NEMP2: variants seen among roughly 807,000 people sequenced by gnomAD.
NEMP2 encodes the protein UPF0571 transmembrane protein.
In NEMP2, 53 loss-of-function variants were observed where a neutral mutation model predicts 54.2. The ratio of observed to expected loss-of-function variants is 0.98; its 90% CI spans 0.78 to 1.23. NEMP2 has a LOEUF of 1.23. Among genes scored for constraint, NEMP2 ranks in the 50% most tolerant of loss-of-function variants. NEMP2 has a pLI of 0.00. For missense variants in NEMP2, 455 were observed against 511.3 expected, an observed-to-expected ratio of 0.89 and a Z score of 1.06; for synonymous variants, 197 against 190.3, an observed-to-expected ratio of 1.04 and a Z score of -0.29.
rs1258819628 is a variant in NEMP2 at position 190,531,962 on chromosome 2, C to T, written c.97+2597G>A. Reference sequence around the variant, plus strand: ...CACCAATGTTCCTCCTGAAAACTGACATGGCCCTCATATGGGGAAAAAAAA... The same window carrying T: ...CACCAATGTTCCTCCTGAAAACTGATATGGCCCTCATATGGGGAAAAAAAA... On this transcript the variant is annotated intron_variant, in intron 1 of 8. Transcript: ENST00000409150. The surrounding 1 kb of genome is among the most constrained non-coding windows in gnomAD (Gnocchi z 4.7). Among the ~76,000 whole-genome samples, 2 of 147,762 alleles carry T rather than the reference C, an allele frequency of 1.4e-5. No individual in the cohort carries two copies. The highest frequency in any genetic ancestry group is 2.4e-5 in the African/African-American group (1 of 41,168).
chr2:190,573,208 C>T, the NEMP2 span, among the ~76,000 whole-genome samples: 1 of 152,022 alleles, frequency 6.6e-6, no homozygotes, highest in Non-Finnish European at 1.5e-5. Context: ...ACTTACTCTC[C>T]CTATGCCTCT....
chr2:190,519,638 G>A lies in NEMP2; in HGVS notation c.214-455C>T, dbSNP rs1690686706. 6.6e-6 allele frequency among the ~76,000 whole-genome samples: 1 copy of A among 152,150 alleles called. No homozygotes were observed. Among genetic ancestry groups the A allele is most frequent in the African/African-American group, 2.4e-5 (1 of 41,420 alleles). On this transcript the variant is annotated intron_variant, in intron 2 of 8. Transcript: ENST00000409150. The surrounding 1 kb of genome is among the most constrained non-coding windows in gnomAD (Gnocchi z 5.4). ...AGTTCTATGTTCTGATCCCAGAGGT[G>A]GACTCAAGAGATCTGTATTTAGTCC...
At chr2:190,437,085 A>C in the NEMP2 span, 3 of 1,614,234 alleles carry the variant, frequency 1.9e-6, no homozygotes, top group Non-Finnish European at 2.5e-6. The surrounding 1 kb of genome is among the most constrained non-coding windows in gnomAD (Gnocchi z 5.9). Context: ...CCCACATCGA[A>C]GTGCTCATCG....
chr2:190,543,312 C>T, the NEMP2 span, among the ~76,000 whole-genome samples: 1 of 152,214 alleles, frequency 6.6e-6, no homozygotes, highest in Non-Finnish European at 1.5e-5. This position sits in a 1 kb window ranked among gnomAD's most constrained non-coding sequence, Gnocchi z 4.7. Flanking sequence ...CTCTTTTGGC[C>T]AAGTCACTGA....
At chr2:190,561,020 G>A in the NEMP2 span, among the ~76,000 whole-genome samples, 1 of 152,144 alleles carries the variant, frequency 6.6e-6, no homozygotes, top group South Asian at 2.1e-4. This position sits in a 1 kb window ranked among gnomAD's most constrained non-coding sequence, Gnocchi z 5.4. Flanking sequence ...TATTTCACGT[G>A]GAGCAGAGGT....
the NEMP2 span, among the ~76,000 whole-genome samples, chr2:190,441,369 C>T: frequency 2.6e-5 from 4 of 151,122 alleles, no homozygotes; most frequent in African/African-American, 9.7e-5. Flanking sequence ...TGTACCGAGG[C>T]ATTCAACGTT....
the NEMP2 span, among the ~76,000 whole-genome samples, chr2:190,564,761 G>C: frequency 6.6e-6 from 1 of 152,212 alleles, no homozygotes; most frequent in Non-Finnish European, 1.5e-5. The surrounding 1 kb of genome is among the most constrained non-coding windows in gnomAD (Gnocchi z 4.2). Context: ...CTAGTTGCTG[G>C]ATTCTCGCTA....
chr2:190,604,100 T>C, the NEMP2 span, among the ~76,000 whole-genome samples: 4 of 152,194 alleles, frequency 2.6e-5, no homozygotes, highest in African/African-American at 9.7e-5. The surrounding 1 kb of genome is among the most constrained non-coding windows in gnomAD (Gnocchi z 4.5). Context: ...GGAATCTAGT[T>C]GTGAATAAGC....
At position 190,514,573 on chromosome 2, in the gene NEMP2, A is replaced by C. The variant is rs1690485335; in HGVS notation, c.833T>G (p.Leu278Arg). 1 of 1,551,654 alleles carries C rather than the reference A, an allele frequency of 6.4e-7. No homozygotes were observed. Among genetic ancestry groups the C allele is most frequent in the African/African-American group, 1.4e-5 (1 of 73,060 alleles). Residue 278 changes from leucine (L) to arginine (R), a missense_variant, in exon 7 of 9, where the codon CTC (leucine) becomes CGC (arginine). Coordinates refer to ENST00000409150, the MANE Select transcript of NEMP2 (RefSeq NM_001142645.2). The surrounding 1 kb of genome is among the most constrained non-coding windows in gnomAD (Gnocchi z 5.7). ...RSLLMWMLRL[L>R]SLVLVYAGVA... ...ACCAGCATAGACCAGAACCAGGGAG[A>C]GGAGTCGCAGCATCCACATCAGAAG...
the NEMP2 span, among the ~76,000 whole-genome samples, chr2:190,637,312 C>T: frequency 1.3e-5 from 2 of 152,170 alleles, no homozygotes; most frequent in Admixed American, 1.3e-4. The surrounding 1 kb of genome is among the most constrained non-coding windows in gnomAD (Gnocchi z 4.5). Context: ...TCAATCATTT[C>T]TCTCTTCTCT....
At chr2:190,476,250 T>G in the NEMP2 span, among the ~76,000 whole-genome samples, 1 of 152,080 alleles carries the variant, frequency 6.6e-6, no homozygotes, top group African/African-American at 2.4e-5. Flanking sequence ...CAAAAGAAAC[T>G]ACCATCAGAG....
the NEMP2 span, chr2:190,444,987 T>C: frequency 2.6e-6 from 1 of 382,194 alleles, no homozygotes; most frequent in African/African-American, 2.2e-5. Context: ...AGTCCAGGCC[T>C]CTTATTTTAC....
the NEMP2 span, among the ~76,000 whole-genome samples, chr2:190,494,289 T>C: frequency 0.2 from 30,260 of 151,986 alleles, 3,900 homozygotes; most frequent in Admixed American, 0.4. This position sits in a 1 kb window ranked among gnomAD's most constrained non-coding sequence, Gnocchi z 5.7. Context: ...ACAACCCTCC[T>C]AGCTTAAATC....
the NEMP2 span, among the ~76,000 whole-genome samples, chr2:190,493,475 C>G: frequency 6.6e-6 from 1 of 152,232 alleles, no homozygotes; most frequent in East Asian, 1.9e-4. Context: ...GACAGGACAT[C>G]AAGACAAAGT....
rs566469390 is a variant in NEMP2 at position 190,534,511 on chromosome 2, G to A, written c.97+48C>T. The A allele has an allele frequency of 1.1e-3, 1,501 of 1,356,462 alleles. 21 individuals carry two copies. In the African/African-American group the frequency reaches 0.021, roughly 19 times the overall value. The allele number at this position is 1,356,462 out of a possible 1,614,324, so 84.0% of individuals were successfully genotyped here. On this transcript the variant is annotated intron_variant, in intron 1 of 8. Transcript: ENST00000409150. ...GCGCCCTCAGGGCAGCCGCGAAGCC[G>A]GGGAGCGAGCACGCACGCGCGCGCC...
At chr2:190,450,935 C>T in the NEMP2 span, among the ~76,000 whole-genome samples, 5 of 152,242 alleles carry the variant, frequency 3.3e-5, no homozygotes, top group African/African-American at 1.2e-4. Context: ...TTGCTGAGTA[C>T]AGTGAGGAAT....
rs1275746926 is a variant in NEMP2, at chr2:190,513,147, T to A, written c.953+1306A>T. On this transcript the variant is annotated intron_variant, in intron 7 of 8. Transcript: ENST00000409150. This position sits in a 1 kb window ranked among gnomAD's most constrained non-coding sequence, Gnocchi z 5.3. The stretch of plus-strand genomic sequence containing the variant: ...TGTGCCAGAAGACAGATGGGCCACA[T>A]CCCACCAGCCAATGAGTATTTATGG... Among the ~76,000 whole-genome samples the A allele has an allele frequency of 6.6e-6, 1 of 152,216 alleles. No individual in the cohort carries two copies. The highest frequency in any genetic ancestry group is 6.5e-5 in the Admixed American group (1 of 15,288).
At chr2:190,615,377 G>A in the NEMP2 span, among the ~76,000 whole-genome samples, 2 of 152,142 alleles carry the variant, frequency 1.3e-5, no homozygotes, top group Non-Finnish European at 2.9e-5. The surrounding 1 kb of genome is among the most constrained non-coding windows in gnomAD (Gnocchi z 4.7). Flanking sequence ...TGCATTTACT[G>A]GTCTATTATA....
chr2:190,449,891 C>T, the NEMP2 span, among the ~76,000 whole-genome samples: 11 of 152,116 alleles, frequency 7.2e-5, no homozygotes, highest in African/African-American at 2.7e-4. Context: ...GGAGGAATAG[C>T]TTTAGGAGAT....
Sources: allele counts gnomAD v4.1 joint callset (sites outside exome capture counted in the v4.1 genomes callset), GRCh38; gene constraint gnomAD v4.1.1; non-coding constraint Gnocchi (gnomAD v3.1); transcripts MANE v1.5; gene names NCBI Gene and HGNC (gene_info 2026-07-23, HGNC 2026-07-21).